Variants in NBAS observed in about 807,000 individuals in gnomAD.
NBAS encodes NAG/BC035112 fusion.
A neutral mutation model predicts 302.5 loss-of-function variants in NBAS; 219 were observed. The observed-to-expected ratio is 0.72, with a 90% CI of 0.65 to 0.81. The LOEUF is 0.81. Ranked by LOEUF, NBAS falls within the 30% of genes least tolerant of loss-of-function variation. The pLI is 0.00. For synonymous variants in NBAS, 1,118 were observed against 1,021.6 expected, an observed-to-expected ratio of 1.09 and a Z score of -1.80; for missense variants, 2,932 against 2,841.6, an observed-to-expected ratio of 1.03 and a Z score of -0.72.
chr2:15,001,773 G>T, the NBAS span, among the ~76,000 whole-genome samples: 1 of 152,106 alleles, frequency 6.6e-6, no homozygotes, highest in African/African-American at 2.4e-5. Flanking sequence ...TCCTTCTGGT[G>T]GGCTTGTGGT....
At chr2:15,074,520 A>G in the NBAS span, among the ~76,000 whole-genome samples, 2 of 152,112 alleles carry the variant, frequency 1.3e-5, no homozygotes. Flanking sequence ...ACTTATATAG[A>G]CAAGAAGTCA....
chr2:14,838,617 AT>A, the NBAS span, among the ~76,000 whole-genome samples: 23 of 151,882 alleles, frequency 1.5e-4, no homozygotes, highest in African/African-American at 5.6e-4. Context: ...GTATGCTGTG[AT>A]TTTTTATTGT....
chr2:15,102,294 T>G, the NBAS span, among the ~76,000 whole-genome samples: 1,136 of 152,250 alleles, frequency 7.5e-3, 13 homozygotes, highest in Non-Finnish European at 9.1e-3. Flanking sequence ...TGGCTGGGAC[T>G]ATTACAAGAA....
At chr2:14,930,454 G>A in the NBAS span, among the ~76,000 whole-genome samples, 1 of 152,154 alleles carries the variant, frequency 6.6e-6, no homozygotes, top group Non-Finnish European at 1.5e-5. Flanking sequence ...GCGTGTACCT[G>A]AGAATGACTG....
At chr2:15,408,606 C>A (rs747482954) in intron 25 of NBAS, among the ~76,000 whole-genome samples, 5 of 152,034 alleles carry the variant, frequency 3.3e-5, no homozygotes, top group East Asian at 1.9e-4. Flanking sequence ...TTTAAAAAGT[C>A]TTTTTTACAT....
intron 47 of NBAS, among the ~76,000 whole-genome samples, chr2:15,224,608 T>C (rs772915922): frequency 2.6e-5 from 4 of 152,168 alleles, no homozygotes; most frequent in Non-Finnish European, 5.9e-5. Context: ...TTCCACCGCA[T>C]GTTTAAAAAC....
In NBAS at chr2:15,234,833, C is replaced by T. The variant is rs1050589779; in HGVS notation, c.5944-86G>A. 8.2e-6 allele frequency: 11 copies of T among 1,343,624 alleles called. No homozygotes were observed. In the African/African-American group the frequency reaches 1.2e-4, roughly 14 times the overall value. The allele number at this position is 1,343,624 out of a possible 1,614,324, so 83.2% of individuals were successfully genotyped here. A position where few individuals can be genotyped will look rare whatever the true frequency, so the allele number is the denominator to read the frequency against. On this transcript the variant is annotated intron_variant, in intron 45 of 51. Transcript: ENST00000281513. ...ACAAAGTGAAACATATTTAGATCCTCGAACCAAATACATGAAAAGCAGCAA... is the reference window on the plus strand; with the variant it reads ...ACAAAGTGAAACATATTTAGATCCTTGAACCAAATACATGAAAAGCAGCAA...
At chr2:14,824,186 A>C in the NBAS span, among the ~76,000 whole-genome samples, 2 of 152,234 alleles carry the variant, frequency 1.3e-5, no homozygotes, top group African/African-American at 4.8e-5. Flanking sequence ...TCTAGTAAAT[A>C]AGAGGTAGAA....
Position 15,539,374 on chromosome 2 carries a change from A to C in NBAS, c.380-18T>G. ...TTTCGGAACTAGAACAAAAGAAAAC[A>C]AGAGGTGCTTCTAACAATATATTAC... is the stretch of plus-strand genomic sequence containing the variant. On this transcript the variant is annotated intron_variant, in intron 6 of 51. Transcript: ENST00000281513. 6.2e-7 allele frequency: 1 copy of C among 1,614,158 alleles called. No homozygotes were observed. Among genetic ancestry groups the C allele is most frequent in the East Asian group, 2.2e-5 (1 of 44,880 alleles).
intron 9 of NBAS, among the ~76,000 whole-genome samples, chr2:15,524,055 T>C (rs1171219959): frequency 6.6e-6 from 1 of 152,246 alleles, no homozygotes. Flanking sequence ...TTTTGGCATA[T>C]TAAAGGCATC....
At chr2:14,911,661 C>A in the NBAS span, among the ~76,000 whole-genome samples, 1 of 152,150 alleles carries the variant, frequency 6.6e-6, no homozygotes, top group Non-Finnish European at 1.5e-5. Context: ...AAGAAAGTGA[C>A]TAAAATCCCA....
At chr2:15,110,878 A>G in the NBAS span, among the ~76,000 whole-genome samples, 5 of 152,300 alleles carry the variant, frequency 3.3e-5, no homozygotes, top group Admixed American at 3.3e-4. Context: ...AACCTCTAAC[A>G]TGAAAAACAC....
intron 26 of NBAS, among the ~76,000 whole-genome samples, chr2:15,400,122 A>G (rs1200564364): frequency 6.6e-6 from 1 of 152,170 alleles, no homozygotes; most frequent in Non-Finnish European, 1.5e-5. Context: ...AACACGAGAG[A>G]GAGGCAAACG....
chr2:14,950,801 T>G, the NBAS span, among the ~76,000 whole-genome samples: 2 of 152,238 alleles, frequency 1.3e-5, no homozygotes, highest in Non-Finnish European at 2.9e-5. Flanking sequence ...AAGAAAGTAT[T>G]GCTTCTTAAT....
the NBAS span, among the ~76,000 whole-genome samples, chr2:15,143,755 T>C: frequency 6.6e-6 from 1 of 152,014 alleles, no homozygotes; most frequent in African/African-American, 2.4e-5. Context: ...TTTGAGTCAG[T>C]GGGCTGGGAA....
chr2:14,808,007 C>T, the NBAS span, among the ~76,000 whole-genome samples: 1 of 151,946 alleles, frequency 6.6e-6, no homozygotes, highest in Non-Finnish European at 1.5e-5. Context: ...GTTTTAACAC[C>T]TTTTTTACCA....
chr2:15,137,767 G>C, the NBAS span, among the ~76,000 whole-genome samples: 1 of 152,102 alleles, frequency 6.6e-6, no homozygotes, highest in South Asian at 2.1e-4. Flanking sequence ...CTTTGAAAAG[G>C]GGGGTTGGAG....
At chr2:15,474,361 G>T (rs202189555) in intron 14 of NBAS, 37 bp from the exon 15 acceptor site, 541 of 1,556,940 alleles carry the variant, frequency 3.5e-4, no homozygotes, top group Non-Finnish European at 4.2e-4. Context: ...TAATAGTAAG[G>T]AAATAAGAAT....
rs541764470 is a variant in NBAS, at chr2:15,386,949, G to T, written c.3258-3632C>A. ...GTGTGTCCCCCTCTGGACCAGGGAG[G>T]TACGACATCTTTTTCTTTGTAAGCC... On this transcript the variant is annotated intron_variant, in intron 28 of 51. Coordinates refer to ENST00000281513, the MANE Select transcript of NBAS (RefSeq NM_015909.4). 9.9e-5 allele frequency among the ~76,000 whole-genome samples: 15 copies of T among 152,116 alleles called. No individual in the cohort carries two copies. The South Asian group carries it at 3.1e-3, about 32-fold the overall frequency.
Sources: gnomAD v4.1 joint callset for allele counts (sites outside exome capture counted in the v4.1 genomes callset) on GRCh38, gnomAD v4.1.1 for gene constraint, MANE v1.5 for transcripts, NCBI Gene and HGNC (gene_info 2026-07-23, HGNC 2026-07-21) for gene names.